TAPBPL: variants seen among roughly 807,000 people sequenced by gnomAD.
The protein encoded by TAPBPL is TAP binding protein like.
Under a neutral mutation model 44.8 loss-of-function variants are expected in TAPBPL, and 32 were observed. The observed-to-expected ratio is 0.71, with a 90% confidence interval of 0.54 to 0.96. The LOEUF (loss-of-function observed/expected upper bound fraction) is 0.96. TAPBPL is among the 40% of genes least tolerant of loss of function. The pLI, the probability that TAPBPL is intolerant of heterozygous loss-of-function variation, is 0.00. For missense variants in TAPBPL, 520 were observed against 586.6 expected (o/e 0.89, Z 1.17); for synonymous variants, 230 against 240.7 (o/e 0.96, Z 0.41).
downstream of TAPBPL, chr12:6,466,140 GA>G: frequency 6.2e-7 from 1 of 1,610,082 alleles, no homozygotes; most frequent in Admixed American, 1.7e-5. Flanking sequence ...ATTCTCCTAC[GA>G]AAAAAGGAGA....
intron 6 of TAPBPL, 180 bp downstream of exon 6, chr12:6,461,118 T>G: frequency 7.0e-7 from 1 of 1,423,008 alleles, no homozygotes; most frequent in Non-Finnish European, 9.2e-7. Context: ...CCTCGTTTTC[T>G]CCTAGCTACC....
chr12:6,463,117 C>A, downstream of TAPBPL: 1 of 1,498,900 alleles, frequency 6.7e-7, no homozygotes, highest in South Asian at 1.3e-5. The surrounding 1 kb of genome is among the most constrained non-coding windows in gnomAD (Gnocchi z 4.0). Flanking sequence ...ATAGGCTGAG[C>A]AGATCCCATC....
At chr12:6,463,987 T>C (rs1377289995), downstream of TAPBPL, 1 of 1,291,286 alleles carries the variant, frequency 7.7e-7, no homozygotes. This position sits in a 1 kb window ranked among gnomAD's most constrained non-coding sequence, Gnocchi z 4.0. Context: ...TCTTCAGGCC[T>C]GGTCCAGGAA....
chr12:6,468,163 T>C (rs2532490), downstream of TAPBPL, among the ~76,000 whole-genome samples: 42,368 of 152,112 alleles, frequency 0.28, 6,165 homozygotes, highest in Middle Eastern at 0.36. Flanking sequence ...GATCCACTGG[T>C]AGCTTGCACC....
chr12:6,462,976 G>A (rs767625629), downstream of TAPBPL: 23 of 1,551,620 alleles, frequency 1.5e-5, no homozygotes, highest in South Asian at 5.9e-5. Context: ...CTTCCTGTTC[G>A]TGGACCGAGG....
chr12:6,464,803 C>A, downstream of TAPBPL: 1 of 1,601,594 alleles, frequency 6.2e-7, no homozygotes, highest in South Asian at 1.1e-5. Context: ...CAGAGCAGCC[C>A]CACTCCCCAG....
chr12:6,459,724 TTTTATTTATTTATTTATTTA>T (rs143107897), intron 5 of TAPBPL, among the ~76,000 whole-genome samples: 5 of 146,066 alleles, frequency 3.4e-5, no homozygotes, highest in East Asian at 2.0e-4. Flanking sequence ...TGTTGAAAGG[TTTTATTTATTTATTTATTTA>T]TTTATTTATT....
chr12:6,462,188 C>A lies in TAPBPL; in HGVS notation c.*39C>A. 1.3e-6 allele frequency: 2 copies of A among 1,527,950 alleles called. No individual in the cohort carries two copies. Among genetic ancestry groups the A allele is most frequent in the Non-Finnish European group, 1.8e-6 (2 of 1,121,812 alleles). 94.6% of individuals were successfully genotyped at this position (1,527,950 alleles called of 1,614,324 possible). A position where few individuals can be genotyped will look rare whatever the true frequency, so the allele number is the denominator to read the frequency against. ...GAGACTACTAGAAAGAAACGACACC[C>A]TTCCCCAAGCCCCCACAGCTACTCC... On this transcript the variant is annotated 3_prime_UTR_variant, in exon 7 of 7. Coordinates refer to ENST00000266556, the MANE Select transcript of TAPBPL (RefSeq NM_018009.5).
At chr12:6,471,826 C>CA in the TAPBPL span, among the ~76,000 whole-genome samples, 37 of 148,506 alleles carry the variant, frequency 2.5e-4, no homozygotes, top group Admixed American at 4.0e-4. This position sits in a 1 kb window ranked among gnomAD's most constrained non-coding sequence, Gnocchi z 4.0. Context: ...GACCCTGTTT[C>CA]AAAAAAAAAA....
chr12:6,465,401 A>AATGTATATATATATATAT (rs1488078154), downstream of TAPBPL: 5 of 67,590 alleles, frequency 7.4e-5, no homozygotes, highest in Admixed American at 3.5e-4. Context: ...TATATATATA[A>AATGTATATATATATATAT]ATGTATATAT....
At position 6,457,671 on chromosome 12, in the gene TAPBPL, C is replaced by T. The variant is rs908469827; in HGVS notation, c.831C>T (p.Asp277=). Residue 277 remains aspartate, a synonymous_variant, in exon 4 of 7, where the codon GAC becomes GAT. Coordinates refer to ENST00000266556, the MANE Select transcript of TAPBPL (RefSeq NM_018009.5). The stretch of plus-strand genomic sequence containing the variant: ...CCCTGCCCGGCCTCACTATACAGGA[C>T]GAGGGGACCTACATTTGCCAGATCA... ...SLTLPGLTIQ[D]EGTYICQITT... 6 of 1,613,774 alleles carry T rather than the reference C, an allele frequency of 3.7e-6. No homozygotes were observed. Among genetic ancestry groups the T allele is most frequent in the South Asian group, 3.3e-5 (3 of 91,064 alleles).
At chr12:6,465,458 GTATA>G (rs1285888979), downstream of TAPBPL, 1 of 101,894 alleles carries the variant, frequency 9.8e-6, no homozygotes, top group African/African-American at 5.3e-5. Flanking sequence ...ATACATATGT[GTATA>G]TATAGTGTGT....
chr12:6,451,737 T>C, upstream of TAPBPL: 1 of 277,868 alleles, frequency 3.6e-6, no homozygotes, highest in African/African-American at 2.2e-5. Context: ...GCTTCCTCTC[T>C]GAAATCCCAG....
chr12:6,463,073 T>G, downstream of TAPBPL: 1 of 1,534,764 alleles, frequency 6.5e-7, no homozygotes, highest in Admixed American at 2.0e-5. The surrounding 1 kb of genome is among the most constrained non-coding windows in gnomAD (Gnocchi z 4.0). Context: ...CCCACATTAA[T>G]AGCCCATCCT....
intron 5 of TAPBPL, among the ~76,000 whole-genome samples, chr12:6,460,204 C>T (rs1278236597): frequency 6.6e-6 from 1 of 152,178 alleles, no homozygotes; most frequent in Non-Finnish European, 1.5e-5. Flanking sequence ...CACTTCAGCT[C>T]ACATCATTCC....
rs1397658424 is a variant in TAPBPL, at chr12:6,458,719, T to C, written c.979T>C (p.Tyr327His). Residue 327 changes from tyrosine (Y) to histidine (H), a missense_variant, in exon 5 of 7, where the codon TAC (tyrosine) becomes CAC (histidine). Tyr to His is a moderately conservative substitution (Grantham distance 83). Transcript: ENST00000266556. Reference protein sequence around the residue: ...PTLICDIAGYYPLDVVVTWTR... With the variant: ...PTLICDIAGYHPLDVVVTWTR... ...CCTCATCTGCGACATTGCTGGCTAT[T>C]ACCCTCTGGATGTGGTGGTGACGTG... 6.2e-7 allele frequency: 1 copy of C among 1,614,198 alleles called. No individual in the cohort carries two copies. Among genetic ancestry groups the C allele is most frequent in the Admixed American group, 1.7e-5 (1 of 60,028 alleles).
chr12:6,459,077 TG>T, intron 5 of TAPBPL, 130 bp downstream of exon 5: 1 of 1,059,934 alleles, frequency 9.4e-7, no homozygotes, highest in Non-Finnish European at 1.3e-6. Flanking sequence ...CTCCTGCCTC[TG>T]CTCCTGACTA....
At chr12:6,463,822 C>T, downstream of TAPBPL, 1 of 1,215,242 alleles carries the variant, frequency 8.2e-7, no homozygotes, top group Non-Finnish European at 1.0e-6. The surrounding 1 kb of genome is among the most constrained non-coding windows in gnomAD (Gnocchi z 4.0). Context: ...AAGTGTTCTC[C>T]AGGCCTCTGG....
downstream of TAPBPL, chr12:6,466,142 A>C: frequency 6.2e-7 from 1 of 1,611,442 alleles, no homozygotes; most frequent in Non-Finnish European, 8.5e-7. Context: ...TCTCCTACGA[A>C]AAAAGGAGAA....
Sources: gnomAD v4.1 joint callset for allele counts (sites outside exome capture counted in the v4.1 genomes callset) on GRCh38, gnomAD v4.1.1 for gene constraint, Gnocchi (gnomAD v3.1) non-coding constraint, MANE v1.5 for transcripts, NCBI Gene and HGNC (gene_info 2026-07-23, HGNC 2026-07-21) for gene names.